GREM1: variants seen among roughly 807,000 people sequenced by gnomAD.
GREM1 encodes gremlin 1, DAN family BMP antagonist.
GREM1 carries 6 observed loss-of-function variants against 13.1 expected under a neutral mutation model. That is an observed-to-expected ratio of 0.46 (90% CI 0.25 to 0.91). The LOEUF (loss-of-function observed/expected upper bound fraction) is 0.91. Among genes scored for constraint, GREM1 ranks in the 40% least tolerant of loss-of-function variants. The pLI, the probability that GREM1 is intolerant of heterozygous loss-of-function variation, is 0.18. For missense variants in GREM1, 185 were observed against 233.9 expected (o/e 0.79, Z 1.36); for synonymous variants, 98 against 93.7 (o/e 1.05, Z -0.27).
Position 32,744,732 on chromosome 15 carries a change from A to G in GREM1, c.*13487A>G, listed in dbSNP as rs926607670. ...TGCAGTGTTATCCTGCATCTGTACA[A>G]TCAAGCACCCAAACTGGTTCTGTAG... On this transcript the variant is annotated 3_prime_UTR_variant, in exon 2 of 2. Coordinates refer to ENST00000651154, the MANE Select transcript of GREM1 (RefSeq NM_013372.7). 2.0e-5 allele frequency: 3 copies of G among 151,988 alleles called. No individual in the cohort carries two copies. The highest frequency in any genetic ancestry group is 7.3e-5 in the African/African-American group (3 of 41,366). 9.4% of individuals were successfully genotyped at this position (151,988 alleles called of 1,614,324 possible).
In GREM1 at chr15:32,731,330, T is replaced by A; in HGVS notation, c.*85T>A. 2 of 1,135,584 alleles carry A rather than the reference T, an allele frequency of 1.8e-6. No individual in the cohort carries two copies. The highest frequency in any genetic ancestry group is 2.5e-6 in the Non-Finnish European group (2 of 784,698). 70.3% of individuals were successfully genotyped at this position (1,135,584 alleles called of 1,614,324 possible). A position where few individuals can be genotyped will look rare whatever the true frequency, so the allele number is the denominator to read the frequency against. On this transcript the variant is annotated 3_prime_UTR_variant, in exon 2 of 2. Transcript: ENST00000651154. Reference sequence around the variant, plus strand: ...AAAACAACCAGATTCTTACTTGGCTTAAACCTAGAGGCCAGAAGAACCCCC... The same window carrying A: ...AAAACAACCAGATTCTTACTTGGCTAAAACCTAGAGGCCAGAAGAACCCCC...
At chr15:32,725,344 G>T (rs565879606) in intron 1 of GREM1, among the ~76,000 whole-genome samples, 65 of 152,268 alleles carry the variant, frequency 4.3e-4, no homozygotes, top group African/African-American at 1.5e-3. Flanking sequence ...GGCGTGAAAT[G>T]GTATCTCATT....
At chr15:32,725,594 C>G (rs1190566052) in intron 1 of GREM1, among the ~76,000 whole-genome samples, 2 of 152,160 alleles carry the variant, frequency 1.3e-5, no homozygotes, top group Non-Finnish European at 2.9e-5. Flanking sequence ...GTTGCCTGTT[C>G]ACTCTGATGG....
Position 32,737,568 on chromosome 15 carries a change from T to TA in GREM1, c.*6327dup, listed in dbSNP as rs2055710473. On this transcript the variant is annotated 3_prime_UTR_variant, in exon 2 of 2. Transcript: ENST00000651154. ...GGCAAAATTCAACACCCCTTTGTAA[T>TA]AAAATCACTCAACACACTAGGAAGA... The TA allele has an allele frequency of 1.3e-5, 2 of 152,160 alleles. No individual in the cohort carries two copies. Among genetic ancestry groups the TA allele is most frequent in the East Asian group, 3.9e-4 (2 of 5,174 alleles). The allele number at this position is 152,160 out of a possible 1,614,324, so 9.4% of individuals were successfully genotyped here.
rs1190336543 is a variant in GREM1 at position 32,744,223 on chromosome 15, T to G, written c.*12978T>G. 1 of 152,112 alleles carries G rather than the reference T, an allele frequency of 6.6e-6. No homozygotes were observed. The highest frequency in any genetic ancestry group is 1.9e-4 in the East Asian group (1 of 5,188). 9.4% of individuals were successfully genotyped at this position (152,112 alleles called of 1,614,324 possible). On this transcript the variant is annotated 3_prime_UTR_variant, in exon 2 of 2. Coordinates refer to ENST00000651154, the MANE Select transcript of GREM1 (RefSeq NM_013372.7). ...ATTTTTGGCTTAGCTTCTATTGGGT[T>G]TCTATCACTTGCAACCAAAGTGCCC...
rs1392843826 is a variant in GREM1 at position 32,731,839 on chromosome 15, A to G, written c.*594A>G. 4.3e-6 allele frequency: 1 copy of G among 231,004 alleles called. No homozygotes were observed. 14.3% of individuals were successfully genotyped at this position (231,004 alleles called of 1,614,324 possible). A position where few individuals can be genotyped will look rare whatever the true frequency, so the allele number is the denominator to read the frequency against. On this transcript the variant is annotated 3_prime_UTR_variant, in exon 2 of 2. Transcript: ENST00000651154. ...TGCAAATGTTTTTCATTTTGTGAAGACCCTCCAGACTCTGGGAGAGGCTGG... is the reference window on the plus strand; with the variant it reads ...TGCAAATGTTTTTCATTTTGTGAAGGCCCTCCAGACTCTGGGAGAGGCTGG...
intron 1 of GREM1, among the ~76,000 whole-genome samples, chr15:32,719,667 C>T (rs543316767): frequency 6.6e-6 from 1 of 152,236 alleles, no homozygotes; most frequent in East Asian, 1.9e-4. Context: ...TGCCAGGACA[C>T]GAACTGATTA....
chr15:32,739,440 T>C lies in GREM1; in HGVS notation c.*8195T>C, dbSNP rs2055742719. ...TAAATGAGAAAAGATAAGGCCTGAA[T>C]TAAGGCAGCAGCCCTAAACCTTTTT... On this transcript the variant is annotated 3_prime_UTR_variant, in exon 2 of 2. Transcript: ENST00000651154. 6.6e-6 allele frequency: 1 copy of C among 152,206 alleles called. No individual in the cohort carries two copies. The highest frequency in any genetic ancestry group is 2.4e-5 in the African/African-American group (1 of 41,448). 9.4% of individuals were successfully genotyped at this position (152,206 alleles called of 1,614,324 possible).
At chr15:32,718,991 C>T (rs950938448) in intron 1 of GREM1, 1 of 171,564 alleles carries the variant, frequency 5.8e-6, no homozygotes, top group South Asian at 1.5e-4. Flanking sequence ...CCGCGCGCAC[C>T]CCTTAAACTG....
chr15:32,740,958 T>A lies in GREM1; in HGVS notation c.*9713T>A, dbSNP rs1259669367. ...TGTGGTCTCATGTTACCCCTGTGCC[T>A]AGAAAGGAAACAGGAGATGAAAAGC... is the stretch of plus-strand genomic sequence containing the variant. On this transcript the variant is annotated 3_prime_UTR_variant, in exon 2 of 2. Coordinates refer to ENST00000651154, the MANE Select transcript of GREM1 (RefSeq NM_013372.7). The A allele has an allele frequency of 1.3e-5, 2 of 151,972 alleles. No homozygotes were observed. Among genetic ancestry groups the A allele is most frequent in the African/African-American group, 4.8e-5 (2 of 41,344 alleles). The allele number at this position is 151,972 out of a possible 1,614,324, so 9.4% of individuals were successfully genotyped here. A position where few individuals can be genotyped will look rare whatever the true frequency, so the allele number is the denominator to read the frequency against.
intron 1 of GREM1, among the ~76,000 whole-genome samples, chr15:32,719,324 A>G (rs1391086875): frequency 2.6e-5 from 4 of 152,074 alleles, no homozygotes; most frequent in African/African-American, 9.7e-5. Flanking sequence ...CTTGGCGTTT[A>G]TTTGCCTGCG....
rs1217725101 is a variant in GREM1 at position 32,735,678 on chromosome 15, G to C, written c.*4433G>C. The stretch of plus-strand genomic sequence containing the variant: ...GGGGAGAATGGAAGCAAGTACCAAG[G>C]AGAAAGTGTTCTCAGAAAAGCCACA... On this transcript the variant is annotated 3_prime_UTR_variant, in exon 2 of 2. Coordinates refer to ENST00000651154, the MANE Select transcript of GREM1 (RefSeq NM_013372.7). 1 of 151,070 alleles carries C rather than the reference G, an allele frequency of 6.6e-6. No individual in the cohort carries two copies. The highest frequency in any genetic ancestry group is 6.6e-5 in the Admixed American group (1 of 15,114). The allele number at this position is 151,070 out of a possible 1,614,324, so 9.4% of individuals were successfully genotyped here.
chr15:32,735,186 A>G lies in GREM1; in HGVS notation c.*3941A>G, dbSNP rs1409812311. On this transcript the variant is annotated 3_prime_UTR_variant, in exon 2 of 2. Transcript: ENST00000651154. ...AGTAAGTCACTGCCCTTGGTGTGCA[A>G]TTGTGAACTTGTCAATTTCTGAGGT... 6.6e-6 allele frequency: 1 copy of G among 152,178 alleles called. No individual in the cohort carries two copies. Among genetic ancestry groups the G allele is most frequent in the Admixed American group, 6.5e-5 (1 of 15,276 alleles). The allele number at this position is 152,178 out of a possible 1,614,324, so 9.4% of individuals were successfully genotyped here. A position where few individuals can be genotyped will look rare whatever the true frequency, so the allele number is the denominator to read the frequency against.
Position 32,742,672 on chromosome 15 carries a change from C to T in GREM1, c.*11427C>T, listed in dbSNP as rs1393419499. 6.6e-6 allele frequency: 1 copy of T among 152,162 alleles called. No homozygotes were observed. The highest frequency in any genetic ancestry group is 1.5e-5 in the Non-Finnish European group (1 of 68,018). The allele number at this position is 152,162 out of a possible 1,614,324, so 9.4% of individuals were successfully genotyped here. On this transcript the variant is annotated 3_prime_UTR_variant, in exon 2 of 2. Transcript: ENST00000651154. ...AAACAGTATGTTACCAGCATAAAGA[C>T]AAACACACAGACCAATAGAACAGAA...
At position 32,742,908 on chromosome 15, in the gene GREM1, A is replaced by C. The variant is rs1376691554; in HGVS notation, c.*11663A>C. The C allele has an allele frequency of 1.3e-5, 2 of 152,202 alleles. No individual in the cohort carries two copies. Among genetic ancestry groups the C allele is most frequent in the Non-Finnish European group, 2.9e-5 (2 of 68,020 alleles). 9.4% of individuals were successfully genotyped at this position (152,202 alleles called of 1,614,324 possible). On this transcript the variant is annotated 3_prime_UTR_variant, in exon 2 of 2. Transcript: ENST00000651154. ...TAAATGTAAGACTTGAAACAGTAAA[A>C]CTCCTAGAAGTAAACAGAAGAGAAA... is the stretch of plus-strand genomic sequence containing the variant.
rs897605626 is a variant in GREM1, at chr15:32,733,913, T to C, written c.*2668T>C. The C allele has an allele frequency of 8.3e-6, 2 of 240,350 alleles. No individual in the cohort carries two copies. The highest frequency in any genetic ancestry group is 1.8e-5 in the Non-Finnish European group (2 of 113,420). 14.9% of individuals were successfully genotyped at this position (240,350 alleles called of 1,614,324 possible). On this transcript the variant is annotated 3_prime_UTR_variant, in exon 2 of 2. Coordinates refer to ENST00000651154, the MANE Select transcript of GREM1 (RefSeq NM_013372.7). ...CTGTAGGTCTTCAAAGTTAAGAGTG[T>C]AAGTGAAAAATCTGGAGGAGAGGAT...
Position 32,730,941 on chromosome 15 carries a change from C to T in GREM1, c.251C>T (p.Thr84Met), listed in dbSNP as rs771903480. 2.2e-5 allele frequency: 36 copies of T among 1,613,938 alleles called. No individual in the cohort carries two copies. The highest frequency in any genetic ancestry group is 2.8e-5 in the Non-Finnish European group (33 of 1,180,024). ...TCCAGCCAAGAGGCCCTGCATGTGA[C>T]GGAGCGCAAATACCTGAAGCGAGAC... ...LESSQEALHV[T>M]ERKYLKRDWC... Residue 84 changes from threonine (T) to methionine (M), a missense_variant, in exon 2 of 2, where the codon ACG becomes ATG. Coordinates refer to ENST00000651154, the MANE Select transcript of GREM1 (RefSeq NM_013372.7).
chr15:32,730,999 C>G lies in GREM1; in HGVS notation c.309C>G (p.Ile103Met). The G allele has an allele frequency of 6.2e-7, 1 of 1,614,202 alleles. No homozygotes were observed. Among genetic ancestry groups the G allele is most frequent in the Non-Finnish European group, 8.5e-7 (1 of 1,180,040 alleles). The stretch of plus-strand genomic sequence containing the variant: ...AAACCCAGCCGCTTAAGCAGACCAT[C>G]CACGAGGAAGGCTGCAACAGTCGCA... Reference protein sequence around the residue: ...WCKTQPLKQTIHEEGCNSRTI... With the variant: ...WCKTQPLKQTMHEEGCNSRTI... The change falls in exon 2 of 2, where the codon ATC becomes ATG. Residue 103 changes from isoleucine (I) to methionine (M), a missense_variant. By Grantham distance (10) the Ile-to-Met change is conservative. Coordinates refer to ENST00000651154, the MANE Select transcript of GREM1 (RefSeq NM_013372.7).
Position 32,738,122 on chromosome 15 carries a change from A to ACC in GREM1, c.*6877_*6878insCC, listed in dbSNP as rs1408590143. The ACC allele has an allele frequency of 2.0e-4, 13 of 64,398 alleles. No individual in the cohort carries two copies. In the East Asian group the frequency reaches 2.3e-3, roughly 12 times the overall value. The allele number at this position is 64,398 out of a possible 1,614,324, so 4.0% of individuals were successfully genotyped here. On this transcript the variant is annotated 3_prime_UTR_variant, in exon 2 of 2. Coordinates refer to ENST00000651154, the MANE Select transcript of GREM1 (RefSeq NM_013372.7). ...AAAAAAAAAAAAAAAAAAAAAAAAA[A>ACC]AAAAAAAAAAAGAAAAGAAAAAAGT...
Sources: gnomAD v4.1 joint callset for allele counts (sites outside exome capture counted in the v4.1 genomes callset) on GRCh38, gnomAD v4.1.1 for gene constraint, MANE v1.5 for transcripts, NCBI Gene and HGNC (gene_info 2026-07-23, HGNC 2026-07-21) for gene names.